The following ZNF227 variants were observed in gnomAD, a reference collection of about 807,000 sequenced individuals.
ZNF227 encodes the protein zinc finger protein 227.
Under a neutral mutation model 13.2 loss-of-function variants are expected in ZNF227, and 12 were observed. The observed-to-expected ratio is 0.91, with a 90% CI of 0.58 to 1.47. The LOEUF (loss-of-function observed/expected upper bound fraction) is 1.47, where lower values mean the gene tolerates loss of function less well. Among genes scored for constraint, ZNF227 ranks in the 40% most tolerant of loss-of-function variants. The probability of loss-of-function intolerance (pLI) is 0.00; values close to 1 mark genes in which losing one functional copy is unlikely to be tolerated. For synonymous variants in ZNF227, 338 were observed against 326.0 expected, an observed-to-expected ratio of 1.04 and a Z score of -0.40; for missense variants, 885 against 967.5, an observed-to-expected ratio of 0.91 and a Z score of 1.13.
In ZNF227 at chr19:44,234,833, A is replaced by T; in HGVS notation, c.403A>T (p.Ser135Cys). 6.2e-7 allele frequency: 1 copy of T among 1,614,126 alleles called. No individual in the cohort carries two copies. The highest frequency in any genetic ancestry group is 8.5e-7 in the Non-Finnish European group (1 of 1,180,018). The part of the protein sequence containing the change: ...SELTRCLQGK[S>C]SQLLQGDSIQ... ...ATTAACCAGGTGTCTTCAGGGGAAG[A>T]GTTCCCAGTTATTACAAGGTGACTC... The change falls in exon 6 of 6, where the codon AGT (serine) becomes TGT (cysteine). Residue 135 changes from serine to cysteine, a missense_variant. Physicochemically the swap from Ser to Cys is moderately radical, Grantham distance 112. Coordinates refer to ENST00000313040, the MANE Select transcript of ZNF227 (RefSeq NM_182490.3).
chr19:44,211,926 C>CA (rs200751418), upstream of ZNF227, among the ~76,000 whole-genome samples: 11,482 of 135,818 alleles, frequency 0.085, 558 homozygotes, highest in Middle Eastern at 0.17. Flanking sequence ...GACAGAGTCT[C>CA]ACTCTGTCGC....
At chr19:44,208,782 C>T (rs969578038), upstream of ZNF227, among the ~76,000 whole-genome samples, 11 of 152,074 alleles carry the variant, frequency 7.2e-5, no homozygotes, top group African/African-American at 2.7e-4. Flanking sequence ...CTTTTTCTAT[C>T]AGGTTTGGAA....
intron 3 of ZNF227, among the ~76,000 whole-genome samples, chr19:44,222,991 C>G (rs1249978850): frequency 1.3e-5 from 2 of 151,938 alleles, no homozygotes; most frequent in Non-Finnish European, 2.9e-5. Context: ...TGAATTTTGT[C>G]AAAGGCCTTT....
At chr19:44,217,903 G>A (rs750767093) in intron 3 of ZNF227, 51 bp downstream of exon 3, 6 of 1,594,198 alleles carry the variant, frequency 3.8e-6, no homozygotes, top group Non-Finnish European at 5.2e-6. Context: ...ATTTCTCAAA[G>A]ATAACAGATT....
chr19:44,230,926 A>AAAAAAAAAAAAAATAT (rs1555792168), intron 5 of ZNF227, among the ~76,000 whole-genome samples: 5 of 68,114 alleles, frequency 7.3e-5, no homozygotes, highest in African/African-American at 3.9e-4. Context: ...AAAAAAAAAA[A>AAAAAAAAAAAAAATAT]ATATATATAT....
rs766042099 is a variant in ZNF227, at chr19:44,236,059, T to C, written c.1629T>C (p.Thr543=). Residue 543 remains threonine (T), a synonymous_variant, in exon 6 of 6, where the codon ACT becomes ACC. Transcript: ENST00000313040. ...TTCAAACCCATCAGCGAGTCCACAC[T>C]GGAGAGAAACCATATAGATGTGATG... ...SKLQTHQRVH[T]GEKPYRCDVC... is the part of the protein sequence containing the mutation. 2.5e-6 allele frequency: 4 copies of C among 1,613,312 alleles called. No individual in the cohort carries two copies. The highest frequency in any genetic ancestry group is 3.4e-6 in the Non-Finnish European group (4 of 1,179,874).
At chr19:44,218,196 A>T (rs1291165958) in intron 3 of ZNF227, among the ~76,000 whole-genome samples, 1 of 152,226 alleles carries the variant, frequency 6.6e-6, no homozygotes, top group Admixed American at 6.5e-5. Flanking sequence ...CATCACCTGC[A>T]TTGTAAGTGA....
intron 3 of ZNF227, among the ~76,000 whole-genome samples, chr19:44,227,882 C>T (rs530566882): frequency 6.6e-6 from 1 of 152,222 alleles, no homozygotes; most frequent in South Asian, 2.1e-4. Flanking sequence ...ACAGGAAGAG[C>T]TATATACCTG....
chr19:44,236,144 G>A lies in ZNF227; in HGVS notation c.1714G>A (p.Gly572Arg), dbSNP rs779116140. ...NLKLHQVIHT[G>R]EKPYKCEECG... ...TAAACTACACCAAGTAATTCACACT[G>A]GAGAAAAACCATATAAATGTGAGGA... is the stretch of plus-strand genomic sequence containing the variant. Residue 572 changes from glycine to arginine, a missense_variant, in exon 6 of 6, where the codon GGA becomes AGA. Gly to Arg is a moderately radical substitution (Grantham distance 125). Transcript: ENST00000313040. 6.2e-7 allele frequency: 1 copy of A among 1,614,182 alleles called. No homozygotes were observed. The highest frequency in any genetic ancestry group is 2.2e-5 in the East Asian group (1 of 44,882).
At chr19:44,218,500 T>A (rs1245906340) in intron 3 of ZNF227, among the ~76,000 whole-genome samples, 1 of 152,232 alleles carries the variant, frequency 6.6e-6, no homozygotes, top group Non-Finnish European at 1.5e-5. Context: ...TGGTGTAATT[T>A]TATTAGATGC....
At chr19:44,218,079 C>T (rs1281916193) in intron 3 of ZNF227, among the ~76,000 whole-genome samples, 1 of 152,084 alleles carries the variant, frequency 6.6e-6, no homozygotes, top group African/African-American at 2.4e-5. Context: ...TATGCTACTA[C>T]CCTGCTTATG....
At chr19:44,210,685 G>A (rs1971320969), upstream of ZNF227, among the ~76,000 whole-genome samples, 1 of 152,168 alleles carries the variant, frequency 6.6e-6, no homozygotes, top group Non-Finnish European at 1.5e-5. Context: ...CACTATGGCT[G>A]GACATGTAGA....
At chr19:44,215,989 T>TAAAAA (rs1276832695) in intron 2 of ZNF227, among the ~76,000 whole-genome samples, 5 of 37,386 alleles carry the variant, frequency 1.3e-4, no homozygotes, top group Admixed American at 3.7e-4. Context: ...ACTCTCTCTC[T>TAAAAA]AAAAAAAAAA....
chr19:44,229,237 A>G (rs1040414952), intron 4 of ZNF227: 5 of 152,304 alleles, frequency 3.3e-5, no homozygotes, highest in African/African-American at 1.2e-4. Context: ...AACTTGAGAG[A>G]GAGATATATT....
intron 2 of ZNF227, among the ~76,000 whole-genome samples, chr19:44,214,659 T>A (rs1385987365): frequency 6.6e-6 from 1 of 152,196 alleles, no homozygotes; most frequent in Non-Finnish European, 1.5e-5. Context: ...ATTACCGGCG[T>A]GAGCCACTGC....
At chr19:44,221,703 T>C (rs1307398452) in intron 3 of ZNF227, among the ~76,000 whole-genome samples, 1 of 152,206 alleles carries the variant, frequency 6.6e-6, no homozygotes, top group African/African-American at 2.4e-5. Flanking sequence ...TTTCTCCCAT[T>C]TTGTAGGTTG....
chr19:44,235,996 T>C lies in ZNF227; in HGVS notation c.1566T>C (p.Cys522=), dbSNP rs1974440944. Residue 522 remains cysteine (C), a synonymous_variant, in exon 6 of 6, where the codon TGT becomes TGC. Transcript: ENST00000313040. ...ACACTGGGGAGAAACGATTCAAGTG[T>C]GAAACGTGTGGGAAGGGCTTCAGTC... ...NVHTGEKRFK[C]ETCGKGFSQS... is the part of the protein sequence containing the mutation. The C allele has an allele frequency of 6.2e-7, 1 of 1,613,428 alleles. No homozygotes were observed. The highest frequency in any genetic ancestry group is 1.3e-5 in the African/African-American group (1 of 74,716).
upstream of ZNF227, among the ~76,000 whole-genome samples, chr19:44,209,101 T>A (rs987923668): frequency 2.6e-5 from 4 of 152,188 alleles, no homozygotes; most frequent in Non-Finnish European, 4.4e-5. Flanking sequence ...GATTTAGAGA[T>A]AACCACTGCT....
At chr19:44,221,418 C>T (rs1366048127) in intron 3 of ZNF227, among the ~76,000 whole-genome samples, 1 of 152,228 alleles carries the variant, frequency 6.6e-6, no homozygotes, top group African/African-American at 2.4e-5. Flanking sequence ...TCCTCTCCAG[C>T]ACCTGTTGTT....
Sources: gnomAD v4.1 joint callset for allele counts (sites outside exome capture counted in the v4.1 genomes callset) on GRCh38, gnomAD v4.1.1 for gene constraint, MANE v1.5 for transcripts, NCBI Gene and HGNC (gene_info 2026-07-23, HGNC 2026-07-21) for gene names.